The following NCKAP5 variants were observed in gnomAD, a reference collection of about 807,000 sequenced individuals.
The protein encoded by NCKAP5 is NCK associated protein 5.
NCKAP5 carries 92 observed loss-of-function variants against 167.0 expected under a neutral mutation model. The ratio of observed to expected loss-of-function variants is 0.55; its 90% confidence interval spans 0.47 to 0.66. NCKAP5 has a LOEUF of 0.66. NCKAP5 is among the 30% of genes least tolerant of loss of function. The probability of loss-of-function intolerance (pLI) is 0.00; values close to 1 mark genes in which losing one functional copy is unlikely to be tolerated. For missense variants in NCKAP5, 2,378 were observed against 2,315.0 expected (o/e 1.03, Z -0.56); for synonymous variants, 891 against 877.4 (o/e 1.02, Z -0.27).
chr2:132,687,441 T>A (rs545926385), intron 19 of NCKAP5, among the ~76,000 whole-genome samples: 2 of 152,272 alleles, frequency 1.3e-5, no homozygotes, highest in South Asian at 2.1e-4. Flanking sequence ...GATAGTTAAA[T>A]GTGAGTGGGC....
intron 4 of NCKAP5, among the ~76,000 whole-genome samples, chr2:133,242,254 C>T (rs112540108): frequency 0.083 from 11,143 of 135,038 alleles, 509 homozygotes; most frequent in African/African-American, 0.16. Context: ...CTTTTCTTTT[C>T]TTTTCTTTTT....
the NCKAP5 span, among the ~76,000 whole-genome samples, chr2:133,651,806 G>T: frequency 6.6e-6 from 1 of 152,186 alleles, no homozygotes; most frequent in Non-Finnish European, 1.5e-5. Context: ...GCATTCAATG[G>T]AATATCATTC....
intron 6 of NCKAP5, among the ~76,000 whole-genome samples, chr2:133,093,424 T>C (rs1326394572): frequency 6.6e-6 from 1 of 152,240 alleles, no homozygotes; most frequent in Non-Finnish European, 1.5e-5. Context: ...TTGTTCACAT[T>C]ACTATTCACG....
At chr2:133,266,634 T>G (rs1394667752) in intron 4 of NCKAP5, among the ~76,000 whole-genome samples, 6 of 151,916 alleles carry the variant, frequency 3.9e-5, no homozygotes, top group Admixed American at 1.3e-4. Flanking sequence ...GAGCCGGGAG[T>G]TGCCAAACTT....
the NCKAP5 span, among the ~76,000 whole-genome samples, chr2:133,642,008 T>A: frequency 2.0e-5 from 3 of 152,190 alleles, no homozygotes; most frequent in African/African-American, 7.2e-5. Context: ...TTTTAGTGGC[T>A]GGATAGTACA....
chr2:133,046,102 AGTT>A (rs2079391447), intron 6 of NCKAP5, among the ~76,000 whole-genome samples: 1 of 152,116 alleles, frequency 6.6e-6, no homozygotes, highest in Admixed American at 6.6e-5. Context: ...AAAACTGATG[AGTT>A]GTTTACTTCT....
chr2:133,420,094 T>C (rs777147272), intron 3 of NCKAP5, among the ~76,000 whole-genome samples: 4 of 152,176 alleles, frequency 2.6e-5, no homozygotes, highest in Non-Finnish European at 5.9e-5. Context: ...TTAGGGAAGA[T>C]GGGGTAAGAG....
chr2:133,322,517 T>TA (rs1401864026), intron 3 of NCKAP5, among the ~76,000 whole-genome samples: 1 of 152,226 alleles, frequency 6.6e-6, no homozygotes, highest in African/African-American at 2.4e-5. Flanking sequence ...GTCTCTGTAT[T>TA]ACTGATGAGA....
intron 11 of NCKAP5, among the ~76,000 whole-genome samples, chr2:132,840,878 C>T (rs578004920): frequency 1.3e-5 from 2 of 151,940 alleles, no homozygotes; most frequent in East Asian, 1.9e-4. Context: ...CACAAATCTC[C>T]AAAAAATTTC....
intron 7 of NCKAP5, among the ~76,000 whole-genome samples, chr2:132,969,330 C>A (rs1002957057): frequency 6.6e-6 from 1 of 152,154 alleles, no homozygotes; most frequent in South Asian, 2.1e-4. Flanking sequence ...ATCCATACTG[C>A]GCCCATCCCC....
chr2:133,196,366 GA>G (rs1281611135), intron 5 of NCKAP5, among the ~76,000 whole-genome samples: 5 of 152,150 alleles, frequency 3.3e-5, no homozygotes, highest in African/African-American at 7.2e-5. Context: ...AGCTAAGAGA[GA>G]ATTACCCTCA....
At chr2:133,144,230 G>C (rs950936742) in intron 5 of NCKAP5, among the ~76,000 whole-genome samples, 2 of 152,098 alleles carry the variant, frequency 1.3e-5, no homozygotes, top group African/African-American at 4.8e-5. Flanking sequence ...GGCTTGATGT[G>C]CCACACAGTC....
intron 8 of NCKAP5, among the ~76,000 whole-genome samples, chr2:132,901,890 T>A (rs757337170): frequency 2.6e-5 from 4 of 152,218 alleles, no homozygotes; most frequent in Non-Finnish European, 4.4e-5. Context: ...TCATATTACA[T>A]CATCTTTGTG....
At chr2:133,247,737 G>A (rs548048958) in intron 4 of NCKAP5, among the ~76,000 whole-genome samples, 2 of 152,318 alleles carry the variant, frequency 1.3e-5, no homozygotes, top group Admixed American at 1.3e-4. Flanking sequence ...AATCTCTCAA[G>A]TGTACACTCA....
At chr2:133,160,949 C>G (rs917539798) in intron 5 of NCKAP5, among the ~76,000 whole-genome samples, 1 of 152,158 alleles carries the variant, frequency 6.6e-6, no homozygotes, top group Non-Finnish European at 1.5e-5. Context: ...AGCCCCCAAG[C>G]TGTGGACCGG....
chr2:133,587,184 A>G, the NCKAP5 span, among the ~76,000 whole-genome samples: 1 of 152,190 alleles, frequency 6.6e-6, no homozygotes, highest in African/African-American at 2.4e-5. Flanking sequence ...AGTAATGAGT[A>G]AGCATGAGAG....
At chr2:133,656,735 G>T in the NCKAP5 span, among the ~76,000 whole-genome samples, 1 of 152,120 alleles carries the variant, frequency 6.6e-6, no homozygotes, top group African/African-American at 2.4e-5. Flanking sequence ...CTCTCCATTA[G>T]TTGGGATTCT....
At chr2:133,290,521 T>C (rs1679501711) in intron 4 of NCKAP5, among the ~76,000 whole-genome samples, 1 of 152,212 alleles carries the variant, frequency 6.6e-6, no homozygotes, top group South Asian at 2.1e-4. Context: ...TAAAACTTCT[T>C]GCTTTTTGGT....
chr2:133,240,807 T>C (rs1174770800), intron 4 of NCKAP5, among the ~76,000 whole-genome samples: 1 of 152,182 alleles, frequency 6.6e-6, no homozygotes, highest in African/African-American at 2.4e-5. Flanking sequence ...CCTAATAATG[T>C]GATTTACAAA....
Sources: allele counts gnomAD v4.1 joint callset (sites outside exome capture counted in the v4.1 genomes callset), GRCh38; gene constraint gnomAD v4.1.1; transcripts MANE v1.5; gene names NCBI Gene and HGNC (gene_info 2026-07-23, HGNC 2026-07-21).